LRRFIP1: variants seen among roughly 807,000 people sequenced by gnomAD.
LRRFIP1 encodes the protein leucine-rich repeat flightless-interacting protein 1.
Under a neutral mutation model 104.4 loss-of-function variants are expected in LRRFIP1, and 62 were observed. That is an observed-to-expected ratio of 0.59 (90% CI 0.48 to 0.73). The LOEUF (loss-of-function observed/expected upper bound fraction) is 0.73. Among genes scored for constraint, LRRFIP1 ranks in the 30% least tolerant of loss-of-function variants. LRRFIP1 has a pLI of 0.00. For missense variants in LRRFIP1, 796 were observed against 824.5 expected (o/e 0.97, Z 0.42); for synonymous variants, 300 against 299.0 (o/e 1.00, Z -0.03).
Position 237,703,743 on chromosome 2 carries a change from T to G in LRRFIP1, c.97-4801T>G, listed in dbSNP as rs3754725. Among the ~76,000 whole-genome samples the G allele has an allele frequency of 0.25, 37,878 of 151,782 alleles. 4,958 individuals are homozygous for G. The highest frequency in any genetic ancestry group is 0.36 in the East Asian group (1,843 of 5,144). On this transcript the variant is annotated intron_variant, in intron 1 of 23. Coordinates refer to ENST00000308482, the MANE Select transcript of LRRFIP1 (RefSeq NM_001137550.2). The surrounding 1 kb of genome is among the most constrained non-coding windows in gnomAD (Gnocchi z 4.3). ...TCACCAGGTGCTTTGCCTGTTTCCC[T>G]GGAGACTGGGCACCCAAACCACATT...
At chr2:237,699,426 C>A (rs762420726) in intron 1 of LRRFIP1, among the ~76,000 whole-genome samples, 11 of 145,428 alleles carry the variant, frequency 7.6e-5, no homozygotes, top group Non-Finnish European at 1.5e-4. Flanking sequence ...GATCTCGGCT[C>A]ACTACAACCT....
At chr2:237,677,187 C>T (rs1404814985) in intron 1 of LRRFIP1, among the ~76,000 whole-genome samples, 1 of 152,210 alleles carries the variant, frequency 6.6e-6, no homozygotes, top group Non-Finnish European at 1.5e-5. Flanking sequence ...CCATTAAACG[C>T]TGACTCCCCA....
chr2:237,759,766 C>T (rs2059669174), intron 18 of LRRFIP1, among the ~76,000 whole-genome samples: 1 of 152,188 alleles, frequency 6.6e-6, no homozygotes, highest in African/African-American at 2.4e-5. Context: ...CACTTGGGGG[C>T]AGCCCACAGG....
At position 237,717,084 on chromosome 2, in the gene LRRFIP1, C is replaced by A. The variant is rs1295522512; in HGVS notation, c.202-678C>A. 2.0e-5 allele frequency among the ~76,000 whole-genome samples: 3 copies of A among 152,062 alleles called. No individual in the cohort carries two copies. The highest frequency in any genetic ancestry group is 7.2e-5 in the African/African-American group (3 of 41,392). Reference sequence around the variant, plus strand: ...TATGTGTGGCCCAAGACACTTCTTCCAGTGTGGTCCAAGGAAGCCAAAAGA... The same window carrying A: ...TATGTGTGGCCCAAGACACTTCTTCAAGTGTGGTCCAAGGAAGCCAAAAGA... On this transcript the variant is annotated intron_variant, in intron 3 of 23. Coordinates refer to ENST00000308482, the MANE Select transcript of LRRFIP1 (RefSeq NM_001137550.2). This position sits in a 1 kb window ranked among gnomAD's most constrained non-coding sequence, Gnocchi z 4.2.
chr2:237,742,367 C>T (rs1327577806), intron 11 of LRRFIP1, among the ~76,000 whole-genome samples: 1 of 152,188 alleles, frequency 6.6e-6, no homozygotes, highest in East Asian at 1.9e-4. Flanking sequence ...GGCTGTCCCC[C>T]ATCTCATCCT....
intron 1 of LRRFIP1, among the ~76,000 whole-genome samples, chr2:237,668,171 G>A (rs760862165): frequency 2.0e-5 from 3 of 151,992 alleles, no homozygotes; most frequent in Admixed American, 6.6e-5. Context: ...CGGTGAAATC[G>A]TGAAGCTGGC....
chr2:237,705,347 C>G (rs1284825959), intron 1 of LRRFIP1, among the ~76,000 whole-genome samples: 2 of 152,156 alleles, frequency 1.3e-5, no homozygotes, highest in Non-Finnish European at 2.9e-5. Context: ...GTTATGATCT[C>G]ACAGTTTCTG....
intron 1 of LRRFIP1, among the ~76,000 whole-genome samples, chr2:237,700,312 G>A (rs55752611): frequency 0.017 from 2,516 of 152,256 alleles, 25 homozygotes; most frequent in Non-Finnish European, 0.027. Flanking sequence ...GGGAAGAATC[G>A]CACAAGGACC....
chr2:237,701,406 A>G (rs962240012), intron 1 of LRRFIP1, among the ~76,000 whole-genome samples: 15 of 152,242 alleles, frequency 9.9e-5, no homozygotes, highest in Admixed American at 2.0e-4. Context: ...GGCTGAGGCC[A>G]TGCGAGGATG....
At chr2:237,678,227 C>T (rs2091390353) in intron 1 of LRRFIP1, among the ~76,000 whole-genome samples, 1 of 152,148 alleles carries the variant, frequency 6.6e-6, no homozygotes, top group Non-Finnish European at 1.5e-5. Flanking sequence ...AAAGTTCAGG[C>T]CTCTTGTTCT....
At chr2:237,757,310 A>G (rs2059371520) in intron 16 of LRRFIP1, 146 bp from the exon 17 acceptor site, 3 of 533,860 alleles carry the variant, frequency 5.6e-6, no homozygotes, top group Non-Finnish European at 1.0e-5. Context: ...AAAAAATCCT[A>G]GAATGCTGAC....
chr2:237,724,862 G>A (rs1364866507), intron 7 of LRRFIP1, among the ~76,000 whole-genome samples: 1 of 152,020 alleles, frequency 6.6e-6, no homozygotes, highest in African/African-American at 2.4e-5. Flanking sequence ...ATCAGGGATC[G>A]AACTCCAGAG....
chr2:237,770,325 CAA>C (rs2060510947), intron 20 of LRRFIP1: 1 of 259,598 alleles, frequency 3.9e-6, no homozygotes, highest in Non-Finnish European at 7.6e-6. Context: ...TGTTGAGAGA[CAA>C]GAGCATTACT....
At chr2:237,739,336 T>C (rs2095345682) in intron 11 of LRRFIP1, 27 bp downstream of exon 11, 2 of 1,540,544 alleles carry the variant, frequency 1.3e-6, no homozygotes, top group Non-Finnish European at 1.7e-6. Flanking sequence ...GCCTTGCTCC[T>C]ACTCAGTGTC....
At chr2:237,757,119 A>G (rs1005436187) in intron 16 of LRRFIP1, among the ~76,000 whole-genome samples, 2 of 152,200 alleles carry the variant, frequency 1.3e-5, no homozygotes, top group Non-Finnish European at 2.9e-5. Context: ...GCAAGAGAAT[A>G]AATTTGTGTT....
intron 8 of LRRFIP1, among the ~76,000 whole-genome samples, chr2:237,730,141 G>C (rs1179629384): frequency 6.6e-6 from 1 of 152,064 alleles, no homozygotes; most frequent in Non-Finnish European, 1.5e-5. Flanking sequence ...TAATCAAAAG[G>C]AAAAAAATAA....
intron 1 of LRRFIP1, among the ~76,000 whole-genome samples, 167 bp from the exon 2 acceptor site, chr2:237,708,377 C>G (rs530276573): frequency 2.0e-5 from 3 of 152,248 alleles, no homozygotes. Flanking sequence ...GTTCTTATAA[C>G]TATTTCTATT....
At chr2:237,655,570 A>T (rs2086681658) in intron 1 of LRRFIP1, among the ~76,000 whole-genome samples, 1 of 152,256 alleles carries the variant, frequency 6.6e-6, no homozygotes. Context: ...AGTTAGCTAC[A>T]AATCTGTCAT....
Position 237,756,200 on chromosome 2 carries a change from C to T in LRRFIP1, c.1131+13C>T. On this transcript the variant is annotated intron_variant, in intron 16 of 23. Transcript: ENST00000308482. ...GGAAATGCTCGAGGTAGGTAGCATT[C>T]TCCTGCTTTTCTTTTCCTTTTTTCC... The T allele has an allele frequency of 6.3e-7, 1 of 1,598,590 alleles. No individual in the cohort carries two copies. Among genetic ancestry groups the T allele is most frequent in the Non-Finnish European group, 8.6e-7 (1 of 1,167,484 alleles).
Sources: allele counts gnomAD v4.1 joint callset (sites outside exome capture counted in the v4.1 genomes callset), GRCh38; gene constraint gnomAD v4.1.1; non-coding constraint Gnocchi (gnomAD v3.1); transcripts MANE v1.5; gene names NCBI Gene and HGNC (gene_info 2026-07-23, HGNC 2026-07-21).